Variants in FBXL17 observed in about 807,000 individuals in gnomAD.
FBXL17 encodes the protein F-box/LRR-repeat protein 17.
FBXL17 carries 22 observed loss-of-function variants against 66.2 expected under a neutral mutation model. The observed-to-expected ratio is 0.33, with a 90% CI of 0.24 to 0.47. The LOEUF (loss-of-function observed/expected upper bound fraction) is 0.47, where lower values mean the gene tolerates loss of function less well. FBXL17 is among the 20% of genes least tolerant of loss of function. FBXL17 has a pLI of 1.00. For missense variants in FBXL17, 878 were observed against 948.2 expected, an observed-to-expected ratio of 0.93 and a Z score of 0.97; for synonymous variants, 474 against 400.5, an observed-to-expected ratio of 1.18 and a Z score of -2.19.
chr5:108,071,801 C>A (rs1475760874), intron 6 of FBXL17, among the ~76,000 whole-genome samples: 1 of 152,090 alleles, frequency 6.6e-6, no homozygotes, highest in Non-Finnish European at 1.5e-5. Flanking sequence ...TTCACTTACT[C>A]ATTGGTATGT....
chr5:108,140,960 C>T (rs781520857), intron 6 of FBXL17, among the ~76,000 whole-genome samples: 16 of 152,102 alleles, frequency 1.1e-4, no homozygotes, highest in Non-Finnish European at 2.2e-4. Flanking sequence ...GGCTGGAACA[C>T]CTGAATTGTC....
chr5:108,251,605 C>G lies in FBXL17; in HGVS notation c.1507-27377G>C, dbSNP rs185780202. ...AAACTGAGCCAAGAGAAGTTGGCAA[C>G]AGGACAAGCAGGTTACAAACAGAAG... is the stretch of plus-strand genomic sequence containing the variant. On this transcript the variant is annotated intron_variant, in intron 4 of 8. Transcript: ENST00000542267. Among the ~76,000 whole-genome samples the G allele has an allele frequency of 3.3e-5, 5 of 152,114 alleles. No homozygotes were observed. In the East Asian group the frequency reaches 9.7e-4, roughly 29 times the overall value.
At chr5:108,160,648 C>T (rs193127528) in intron 6 of FBXL17, among the ~76,000 whole-genome samples, 265 of 152,134 alleles carry the variant, frequency 1.7e-3, no homozygotes, top group African/African-American at 6.1e-3. Flanking sequence ...GGCAGCCACC[C>T]TGAAGACTAA....
intron 4 of FBXL17, among the ~76,000 whole-genome samples, chr5:108,336,760 A>G (rs1760401946): frequency 6.6e-6 from 1 of 152,148 alleles, no homozygotes. Context: ...TATCATTGCC[A>G]TTCTTCTTGT....
intron 6 of FBXL17, among the ~76,000 whole-genome samples, chr5:108,125,119 A>T (rs1034100702): frequency 6.6e-5 from 10 of 151,932 alleles, no homozygotes; most frequent in South Asian, 2.1e-4. Context: ...TATTTTATTA[A>T]AAAAAAAGAA....
intron 4 of FBXL17, among the ~76,000 whole-genome samples, chr5:108,248,081 G>T (rs547481407): frequency 2.6e-4 from 40 of 152,278 alleles, no homozygotes; most frequent in African/African-American, 9.6e-4. Flanking sequence ...TCATTGCTCT[G>T]TTGCTCCTCT....
Position 108,380,932 on chromosome 5 carries a change from G to GCTGCTCCGGGGC in FBXL17, c.748_759dup (p.Ala250_Gln253dup). Reference sequence around the variant, plus strand: ...GGCGGAGGGCAGAGCGGCTGCGGGGGCTGCTCCGGGGCCTGGCAGCAGCCG... The same window carrying GCTGCTCCGGGGC: ...GGCGGAGGGCAGAGCGGCTGCGGGGGCTGCTCCGGGGCCTGCTCCGGGGCCTGGCAGCAGCCG... On this transcript the variant is annotated inframe_insertion, in exon 1 of 9. Coordinates refer to ENST00000542267, the MANE Select transcript of FBXL17 (RefSeq NM_001163315.3). 1 of 1,221,390 alleles carries GCTGCTCCGGGGC rather than the reference G, an allele frequency of 8.2e-7. No homozygotes were observed. The highest frequency in any genetic ancestry group is 3.2e-5 in the East Asian group (1 of 31,532). The allele number at this position is 1,221,390 out of a possible 1,614,324, so 75.7% of individuals were successfully genotyped here.
At chr5:107,909,726 A>G (rs1451336333) in intron 7 of FBXL17, among the ~76,000 whole-genome samples, 1 of 152,122 alleles carries the variant, frequency 6.6e-6, no homozygotes, top group Non-Finnish European at 1.5e-5. Flanking sequence ...AATAAAACAT[A>G]AAGCTCTAGT....
chr5:108,159,088 T>A (rs1752108496), intron 6 of FBXL17, among the ~76,000 whole-genome samples: 1 of 152,294 alleles, frequency 6.6e-6, no homozygotes, highest in Non-Finnish European at 1.5e-5. Flanking sequence ...TAGATTTAGA[T>A]GGGTATCAGA....
In FBXL17 at chr5:107,980,664, A is replaced by ATTTTTTTTTTT. The variant is rs57472813; in HGVS notation, c.1822+40260_1822+40261insAAAAAAAAAAA. ...TAAAATAATATATATATATATATAT[A>ATTTTTTTTTTT]TTTTTTTTTTGAGATGGAGTCTTGC... On this transcript the variant is annotated intron_variant, in intron 7 of 8. Coordinates refer to ENST00000542267, the MANE Select transcript of FBXL17 (RefSeq NM_001163315.3). 1.3e-4 allele frequency among the ~76,000 whole-genome samples: 8 copies of ATTTTTTTTTTT among 62,054 alleles called. 1 individual carries two copies. The highest frequency in any genetic ancestry group is 2.1e-4 in the African/African-American group (2 of 9,752). The allele number at this position is 62,054 out of a possible 152,430, so 40.7% of individuals were successfully genotyped here.
chr5:108,132,012 T>C (rs1401485575), intron 6 of FBXL17, among the ~76,000 whole-genome samples: 2 of 151,862 alleles, frequency 1.3e-5, no homozygotes, highest in African/African-American at 2.4e-5. Flanking sequence ...GTTTCACTCT[T>C]GTTGCCCAGG....
In FBXL17 at chr5:108,367,880, C is replaced by G; in HGVS notation, c.1067G>C (p.Cys356Ser). The change falls in exon 2 of 9, where the codon TGT becomes TCT. Residue 356 changes from cysteine to serine, a missense_variant. By Grantham distance (112) the Cys-to-Ser change is moderately radical. Around this residue, in one of 4 missense-constraint regions of FBXL17, gnomAD observed 236 missense variants for 389.1 expected, o/e 0.61. Transcript: ENST00000542267. ...SLVCKYWRDL[C>S]LDFQFWKQLD... ...CTGCTTCCAAAACTGGAAGTCTAAACAAAGGTCACGCCAGTACTTGCAAAC... is the reference window on the plus strand; with the variant it reads ...CTGCTTCCAAAACTGGAAGTCTAAAGAAAGGTCACGCCAGTACTTGCAAAC... 1 of 1,550,982 alleles carries G rather than the reference C, an allele frequency of 6.4e-7. No individual in the cohort carries two copies. Among genetic ancestry groups the G allele is most frequent in the East Asian group, 2.4e-5 (1 of 40,884 alleles).
chr5:108,255,022 A>C (rs932307597), intron 4 of FBXL17, among the ~76,000 whole-genome samples: 1 of 152,214 alleles, frequency 6.6e-6, no homozygotes, highest in African/African-American at 2.4e-5. Context: ...GGGCTCATAC[A>C]ACTTGATGGA....
At position 107,871,057 on chromosome 5, in the gene FBXL17, C is replaced by CAAAAAAAAAAAAAAAAAAAAAAAAAAAA. The variant is rs201752049; in HGVS notation, c.1966-9198_1966-9197insTTTTTTTTTTTTTTTTTTTTTTTTTTTT. On this transcript the variant is annotated intron_variant, in intron 8 of 8. Transcript: ENST00000542267. Reference sequence around the variant, plus strand: ...GGTAAGAAATATTACTCTTGGGCGGCAAAAAAAAAAAAAAAAAAAAAACCT... The same window carrying CAAAAAAAAAAAAAAAAAAAAAAAAAAAA: ...GGTAAGAAATATTACTCTTGGGCGGCAAAAAAAAAAAAAAAAAAAAAAAAAAAAAAAAAAAAAAAAAAAAAAAAAACCT... Among the ~76,000 whole-genome samples the CAAAAAAAAAAAAAAAAAAAAAAAAAAAA allele has an allele frequency of 1.2e-4, 8 of 65,892 alleles. 2 individuals are homozygous for CAAAAAAAAAAAAAAAAAAAAAAAAAAAA. The highest frequency in any genetic ancestry group is 1.5e-4 in the African/African-American group (2 of 13,326). 43.2% of individuals were successfully genotyped at this position (65,892 alleles called of 152,430 possible).
intron 6 of FBXL17, among the ~76,000 whole-genome samples, chr5:108,066,595 T>G (rs1270332233): frequency 6.6e-6 from 1 of 152,046 alleles, no homozygotes. Context: ...TTCAAGTGTA[T>G]AATTTGTACC....
chr5:108,256,883 T>G (rs1448105036), intron 4 of FBXL17, among the ~76,000 whole-genome samples: 1 of 152,112 alleles, frequency 6.6e-6, no homozygotes, highest in Admixed American at 6.6e-5. Context: ...CCTTACTTAG[T>G]TTTTTAAGCG....
rs569823588 is a variant in FBXL17 at position 107,876,098 on chromosome 5, C to T, written c.1965+4939G>A. On this transcript the variant is annotated intron_variant, in intron 8 of 8. Transcript: ENST00000542267. ...AACGTGGCCCTCACAGCCCTCCAGG[C>T]GCCTCTACTGGCCAAGAAGAAAAAA... Among the ~76,000 whole-genome samples the T allele has an allele frequency of 7.0e-4, 107 of 152,332 alleles. 1 individual carries two copies. Among genetic ancestry groups the T allele is most frequent in the Middle Eastern group, 3.4e-3 (1 of 294 alleles).
intron 4 of FBXL17, among the ~76,000 whole-genome samples, chr5:108,276,755 T>C (rs1042902588): frequency 2.6e-5 from 4 of 152,164 alleles, no homozygotes; most frequent in African/African-American, 9.6e-5. Context: ...TGAGATGTCA[T>C]TTGAAGACCA....
chr5:108,242,113 A>G (rs549856929), intron 4 of FBXL17, among the ~76,000 whole-genome samples: 1 of 152,362 alleles, frequency 6.6e-6, no homozygotes, highest in Non-Finnish European at 1.5e-5. Context: ...GTACATACAA[A>G]AACACAGAAT....
Sources: gnomAD v4.1 joint callset for allele counts (sites outside exome capture counted in the v4.1 genomes callset) on GRCh38, gnomAD v4.1.1 for gene constraint, gnomAD v4.1.1 regional missense constraint, MANE v1.5 for transcripts, NCBI Gene and HGNC (gene_info 2026-07-23, HGNC 2026-07-21) for gene names.